The following ZNF516 variants were observed in gnomAD, a reference collection of about 807,000 sequenced individuals.
The protein encoded by ZNF516 is zinc finger protein 516.
Under a neutral mutation model 79.7 loss-of-function variants are expected in ZNF516, and 19 were observed. That is an observed-to-expected ratio of 0.24 (90% CI 0.17 to 0.35). The LOEUF (loss-of-function observed/expected upper bound fraction) is 0.35, where lower values mean the gene tolerates loss of function less well. ZNF516 is among the 10% of genes least tolerant of loss of function. The pLI is 1.00. For synonymous variants in ZNF516, 877 were observed against 739.5 expected (o/e 1.19, Z -3.02); for missense variants, 1,678 against 1,679.5 (o/e 1.00, Z 0.02).
chr18:76,412,393 C>T (rs1015751882), intron 3 of ZNF516, among the ~76,000 whole-genome samples: 3 of 152,178 alleles, frequency 2.0e-5, no homozygotes, highest in African/African-American at 4.8e-5. Flanking sequence ...GCCCAAGGCT[C>T]TCCTCCCCTC....
intron 3 of ZNF516, among the ~76,000 whole-genome samples, chr18:76,434,212 A>G (rs536177563): frequency 2.0e-5 from 3 of 151,116 alleles, no homozygotes; most frequent in African/African-American, 7.2e-5. Flanking sequence ...GATGAAATCT[A>G]CAAAAAGGAA....
At position 76,447,637 on chromosome 18, in the gene ZNF516, G is replaced by C. The variant is rs904756100; in HGVS notation, c.-157-4426C>G. Among the ~76,000 whole-genome samples the C allele has an allele frequency of 2.6e-5, 4 of 152,228 alleles. No homozygotes were observed. In the East Asian group the frequency reaches 5.8e-4, roughly 22 times the overall value. On this transcript the variant is annotated intron_variant, in intron 2 of 6. Coordinates refer to ENST00000443185, the MANE Select transcript of ZNF516 (RefSeq NM_014643.4). ...GCTCAGAGCCAAGGTGGAGGGTACA[G>C]CATGTGTCCAGCTGACATGCAATAT...
intron 4 of ZNF516, among the ~76,000 whole-genome samples, chr18:76,377,261 C>A (rs1337344900): frequency 6.6e-6 from 1 of 152,280 alleles, no homozygotes; most frequent in African/African-American, 2.4e-5. Flanking sequence ...CTGAGTCACA[C>A]CTCAAGCCAA....
At chr18:76,383,059 A>AG (rs2074920275) in intron 3 of ZNF516, among the ~76,000 whole-genome samples, 1 of 150,070 alleles carries the variant, frequency 6.7e-6, no homozygotes. Context: ...AAAAAAAAAA[A>AG]GCGCATGGTC....
In ZNF516 at chr18:76,443,144, C is replaced by A; in HGVS notation, c.-90G>T. The A allele has an allele frequency of 6.8e-7, 1 of 1,461,492 alleles. No homozygotes were observed. 90.5% of individuals were successfully genotyped at this position (1,461,492 alleles called of 1,614,324 possible). On this transcript the variant is annotated 5_prime_UTR_variant, in exon 3 of 7. Transcript: ENST00000443185. ...CCTATCTCTCCATGGTCAGAAGAGCCAAAAGACGTGCCTGCTCCCAGGAGG... is the reference window on the plus strand; with the variant it reads ...CCTATCTCTCCATGGTCAGAAGAGCAAAAAGACGTGCCTGCTCCCAGGAGG...
At chr18:76,487,439 C>G (rs1914892945) in intron 1 of ZNF516, among the ~76,000 whole-genome samples, 1 of 152,130 alleles carries the variant, frequency 6.6e-6, no homozygotes, top group African/African-American at 2.4e-5. Flanking sequence ...TTCCTTATAG[C>G]TATTTAAGTC....
intron 1 of ZNF516, chr18:76,488,215 C>A (rs1298472383): frequency 3.0e-6 from 3 of 985,292 alleles, no homozygotes; most frequent in Non-Finnish European, 3.6e-6. Flanking sequence ...CAGCTCCCAA[C>A]AACAGAGTAG....
intron 3 of ZNF516, among the ~76,000 whole-genome samples, chr18:76,418,198 CTG>C (rs1175061919): frequency 7.2e-5 from 11 of 152,044 alleles, no homozygotes; most frequent in Admixed American, 1.3e-4. Flanking sequence ...CTATAACACA[CTG>C]TAACACACGC....
chr18:76,371,601 G>C, intron 4 of ZNF516, 30 bp from the exon 5 acceptor site: 1 of 1,589,300 alleles, frequency 6.3e-7, no homozygotes. Flanking sequence ...GTGGTGGCAG[G>C]GCCGTGGTGG....
intron 1 of ZNF516, among the ~76,000 whole-genome samples, chr18:76,473,434 A>G (rs1490075144): frequency 3.9e-5 from 6 of 152,024 alleles, no homozygotes; most frequent in African/African-American, 1.4e-4. Flanking sequence ...AATATATCAG[A>G]AAAGTACAAA....
intron 3 of ZNF516, among the ~76,000 whole-genome samples, chr18:76,405,133 C>T (rs1568265143): frequency 6.6e-6 from 1 of 152,230 alleles, no homozygotes; most frequent in Non-Finnish European, 1.5e-5. Flanking sequence ...GATAAGGACA[C>T]ACCCTGGAGG....
chr18:76,366,952 C>T (rs544837095), intron 6 of ZNF516, among the ~76,000 whole-genome samples: 7 of 152,298 alleles, frequency 4.6e-5, no homozygotes, highest in Non-Finnish European at 7.4e-5. Context: ...AACTGGCTGA[C>T]CTTCAATGAA....
rs1405535965 is a variant in ZNF516 at position 76,360,779 on chromosome 18, T to C, written c.*1719A>G. Reference sequence around the variant, plus strand: ...ACAAGTAGAATCCAGAACCAAACATTACTAATAACAATAACAATAATAATA... The same window carrying C: ...ACAAGTAGAATCCAGAACCAAACATCACTAATAACAATAACAATAATAATA... On this transcript the variant is annotated 3_prime_UTR_variant, in exon 7 of 7. Transcript: ENST00000443185. The C allele has an allele frequency of 7.1e-6, 1 of 141,456 alleles. No homozygotes were observed. The highest frequency in any genetic ancestry group is 2.6e-5 in the African/African-American group (1 of 37,888). 8.8% of individuals were successfully genotyped at this position (141,456 alleles called of 1,614,324 possible). A position where few individuals can be genotyped will look rare whatever the true frequency, so the allele number is the denominator to read the frequency against.
chr18:76,427,463 A>T (rs576267594), intron 3 of ZNF516, among the ~76,000 whole-genome samples: 94 of 152,238 alleles, frequency 6.2e-4, no homozygotes, highest in Non-Finnish European at 1.2e-3. Context: ...AACCAGATCA[A>T]TATGGGAAAA....
chr18:76,425,296 A>C (rs1227976552), intron 3 of ZNF516, among the ~76,000 whole-genome samples: 1 of 152,258 alleles, frequency 6.6e-6, no homozygotes, highest in Non-Finnish European at 1.5e-5. Flanking sequence ...TAATTCTTCA[A>C]CAGTGCAAGC....
intron 3 of ZNF516, among the ~76,000 whole-genome samples, chr18:76,418,316 GTAACACAC>G (rs2075460898): frequency 1.3e-5 from 2 of 151,942 alleles, no homozygotes; most frequent in South Asian, 2.1e-4. Context: ...GTAACATGCT[GTAACACAC>G]TAACACACTA....
intron 4 of ZNF516, among the ~76,000 whole-genome samples, chr18:76,374,946 C>T (rs1285209920): frequency 6.6e-6 from 1 of 152,156 alleles, no homozygotes; most frequent in Non-Finnish European, 1.5e-5. Flanking sequence ...AGATTCTAGA[C>T]TCATGACTCA....
chr18:76,411,567 A>G (rs981071857), intron 3 of ZNF516, among the ~76,000 whole-genome samples: 3 of 152,232 alleles, frequency 2.0e-5, no homozygotes, highest in Admixed American at 6.5e-5. Context: ...TTAAAACTAT[A>G]AAATACTTAA....
chr18:76,455,471 C>A (rs680253), intron 2 of ZNF516, among the ~76,000 whole-genome samples: 80,500 of 152,040 alleles, frequency 0.53, 21,531 homozygotes, highest in South Asian at 0.66. Flanking sequence ...TGGAAAGGAT[C>A]ACTGCCGGCA....
Sources: allele counts gnomAD v4.1 joint callset (sites outside exome capture counted in the v4.1 genomes callset), GRCh38; gene constraint gnomAD v4.1.1; transcripts MANE v1.5; gene names NCBI Gene and HGNC (gene_info 2026-07-23, HGNC 2026-07-21).